NYAP2: variants seen among roughly 807,000 people sequenced by gnomAD.
The protein encoded by NYAP2 is neuronal tyrosine-phosphorylated phosphoinositide-3-kinase adaptor 2.
In NYAP2, 23 loss-of-function variants were observed where a neutral mutation model predicts 50.4. The ratio of observed to expected loss-of-function variants is 0.46; its 90% CI spans 0.33 to 0.65. The LOEUF (loss-of-function observed/expected upper bound fraction) is 0.65. Among genes scored for constraint, NYAP2 ranks in the 30% least tolerant of loss-of-function variants. The pLI is 0.02. For synonymous variants in NYAP2, 394 were observed against 365.2 expected (o/e 1.08, Z -0.90); for missense variants, 885 against 861.0 (o/e 1.03, Z -0.35).
chr2:225,565,254 A>C (rs916627823), intron 4 of NYAP2, among the ~76,000 whole-genome samples: 7 of 152,226 alleles, frequency 4.6e-5, no homozygotes, highest in African/African-American at 1.7e-4. Flanking sequence ...CACTTAAGGG[A>C]AATCATTTTT....
chr2:225,546,013 C>T (rs1424486756), intron 4 of NYAP2, among the ~76,000 whole-genome samples: 1 of 152,130 alleles, frequency 6.6e-6, no homozygotes, highest in African/African-American at 2.4e-5. Flanking sequence ...CGTTCTCTTT[C>T]CTTACTTTCT....
At chr2:225,516,359 T>C (rs1690935643) in intron 4 of NYAP2, among the ~76,000 whole-genome samples, 1 of 152,162 alleles carries the variant, frequency 6.6e-6, no homozygotes, top group Non-Finnish European at 1.5e-5. Flanking sequence ...AAAGACTTGT[T>C]AGACTTGGAA....
chr2:225,532,933 A>G (rs908599185), intron 4 of NYAP2, among the ~76,000 whole-genome samples: 1 of 152,206 alleles, frequency 6.6e-6, no homozygotes, highest in Admixed American at 6.5e-5. Context: ...ATGTGGCACG[A>G]TACTATGCTA....
chr2:225,636,029 A>G (rs978060379), intron 6 of NYAP2, among the ~76,000 whole-genome samples: 4 of 152,200 alleles, frequency 2.6e-5, no homozygotes, highest in Non-Finnish European at 5.9e-5. Flanking sequence ...TCTTCAACGT[A>G]TACTTTGTGT....
chr2:225,454,482 A>G (rs1689704956), intron 3 of NYAP2, among the ~76,000 whole-genome samples: 1 of 152,190 alleles, frequency 6.6e-6, no homozygotes, highest in Admixed American at 6.5e-5. Context: ...CTTCAATTTT[A>G]GTTTAGTAGG....
intron 3 of NYAP2, among the ~76,000 whole-genome samples, chr2:225,479,055 G>A (rs1690164354): frequency 6.6e-6 from 1 of 152,148 alleles, no homozygotes; most frequent in African/African-American, 2.4e-5. Context: ...AGATGTGATT[G>A]AATATTGAGG....
At chr2:225,401,077 G>A (rs1310655300) in intron 2 of NYAP2, 34 bp downstream of exon 2, 1 of 152,538 alleles carries the variant, frequency 6.6e-6, no homozygotes, top group Non-Finnish European at 1.5e-5. Flanking sequence ...CTCTAAGCAT[G>A]CTAATCGAAT....
chr2:225,532,946 C>T (rs1410605575), intron 4 of NYAP2, among the ~76,000 whole-genome samples: 1 of 152,082 alleles, frequency 6.6e-6, no homozygotes, highest in Non-Finnish European at 1.5e-5. Flanking sequence ...CTATGCTAGG[C>T]AATAGAGAAA....
chr2:225,521,685 A>T (rs1691061988), intron 4 of NYAP2, among the ~76,000 whole-genome samples: 1 of 151,912 alleles, frequency 6.6e-6, no homozygotes, highest in South Asian at 2.1e-4. Flanking sequence ...CCAGTATTTT[A>T]TTGAGGATTT....
At chr2:225,569,162 C>T (rs556167633) in intron 4 of NYAP2, among the ~76,000 whole-genome samples, 1 of 152,214 alleles carries the variant, frequency 6.6e-6, no homozygotes, top group East Asian at 1.9e-4. Flanking sequence ...GTTGGGCCCA[C>T]AGAGCAGACA....
intron 3 of NYAP2, among the ~76,000 whole-genome samples, chr2:225,450,424 G>A (rs1161560558): frequency 2.0e-5 from 3 of 152,126 alleles, no homozygotes; most frequent in Non-Finnish European, 4.4e-5. Flanking sequence ...GAATTTTTGA[G>A]CTCTGTGAAA....
the NYAP2 span, among the ~76,000 whole-genome samples, chr2:225,686,716 G>A: frequency 6.6e-6 from 1 of 152,114 alleles, no homozygotes; most frequent in East Asian, 1.9e-4. Context: ...TTCTACCAGT[G>A]AGTAAGCTAT....
Position 225,642,679 on chromosome 2 carries a change from A to G in NYAP2, c.1829-8753A>G, listed in dbSNP as rs976218533. 2.6e-5 allele frequency among the ~76,000 whole-genome samples: 4 copies of G among 152,168 alleles called. No homozygotes were observed. The South Asian group carries it at 8.3e-4, about 32-fold the overall frequency. On this transcript the variant is annotated intron_variant, in intron 6 of 6. Transcript: ENST00000636099. The stretch of plus-strand genomic sequence containing the variant: ...TAGAATAATCGATTGGACAGACTTG[A>G]TTCATGTGGCCACTTCTGGAGGTAG...
At chr2:225,542,119 A>G (rs1459571190) in intron 4 of NYAP2, among the ~76,000 whole-genome samples, 1 of 151,992 alleles carries the variant, frequency 6.6e-6, no homozygotes, top group Non-Finnish European at 1.5e-5. Context: ...TTGTATGTTC[A>G]TTTTGTATCC....
intron 4 of NYAP2, among the ~76,000 whole-genome samples, chr2:225,524,183 A>G (rs1691113279): frequency 6.6e-6 from 1 of 152,192 alleles, no homozygotes; most frequent in African/African-American, 2.4e-5. Flanking sequence ...CAAAACCTCA[A>G]AAGTAGGGAA....
Position 225,432,070 on chromosome 2 carries a change from T to C in NYAP2, c.221+22969T>C, listed in dbSNP as rs1278496328. 4.6e-5 allele frequency among the ~76,000 whole-genome samples: 7 copies of C among 151,650 alleles called. 1 individual carries two copies. Among genetic ancestry groups the C allele is most frequent in the Admixed American group, 2.0e-4 (3 of 15,214 alleles). On this transcript the variant is annotated intron_variant, in intron 3 of 6. Coordinates refer to ENST00000636099, the Ensembl canonical transcript of NYAP2. ...CTGCAAGCTCCGTCTCCCAGGTTCA[T>C]GCCATTCTCCTGGCTTAGCCTCCCT...
intron 3 of NYAP2, among the ~76,000 whole-genome samples, chr2:225,446,248 A>ATATATATATATATATATATATATATAT (rs1689560615): frequency 3.4e-5 from 2 of 59,606 alleles, no homozygotes; most frequent in African/African-American, 8.5e-5. Context: ...CTCTCTCTCT[A>ATATATATATATATATATATATATATAT]TATATATATA....
At chr2:225,669,593 A>G in the NYAP2 span, among the ~76,000 whole-genome samples, 1 of 152,140 alleles carries the variant, frequency 6.6e-6, no homozygotes, top group Non-Finnish European at 1.5e-5. Flanking sequence ...TTGTAATGTC[A>G]ACCCTATGAA....
the NYAP2 span, among the ~76,000 whole-genome samples, chr2:225,662,358 A>G: frequency 6.6e-6 from 1 of 152,254 alleles, no homozygotes; most frequent in Non-Finnish European, 1.5e-5. Flanking sequence ...GAGCACATCG[A>G]ACCCTTTCCA....
Sources: allele counts gnomAD v4.1 joint callset (sites outside exome capture counted in the v4.1 genomes callset), GRCh38; gene constraint gnomAD v4.1.1; transcripts MANE v1.5; gene names NCBI Gene and HGNC (gene_info 2026-07-23, HGNC 2026-07-21).